Variants in THSD7A observed in about 807,000 individuals in gnomAD.
THSD7A encodes thrombospondin type 1 domain containing 7A.
A neutral mutation model predicts 231.3 loss-of-function variants in THSD7A; 96 were observed. That is an observed-to-expected ratio of 0.41 (90% CI 0.35 to 0.49). The LOEUF (loss-of-function observed/expected upper bound fraction) is 0.49, where lower values mean the gene tolerates loss of function less well. Among genes scored for constraint, THSD7A ranks in the 20% least tolerant of loss-of-function variants. The pLI is 0.05. For missense variants in THSD7A, 2,290 were observed against 2,070.2 expected, an observed-to-expected ratio of 1.11 and a Z score of -2.06; for synonymous variants, 940 against 743.3, an observed-to-expected ratio of 1.26 and a Z score of -4.30.
At chr7:11,535,315 A>G (rs529566587) in intron 6 of THSD7A, among the ~76,000 whole-genome samples, 1 of 152,264 alleles carries the variant, frequency 6.6e-6, no homozygotes, top group East Asian at 1.9e-4. Context: ...GTGTATTGTA[A>G]TACATACACA....
intron 1 of THSD7A, among the ~76,000 whole-genome samples, chr7:11,640,977 T>G (rs146934826): frequency 6.6e-6 from 1 of 152,274 alleles, no homozygotes; most frequent in South Asian, 2.1e-4. Context: ...TAGTTCTTTA[T>G]TGATTTTTCA....
At chr7:11,441,086 C>A (rs184962393) in intron 13 of THSD7A, among the ~76,000 whole-genome samples, 50 of 152,194 alleles carry the variant, frequency 3.3e-4, no homozygotes, top group Non-Finnish European at 5.7e-4. Context: ...AAAAATCATT[C>A]TCTCCAGCTT....
chr7:11,585,360 A>G lies in THSD7A; in HGVS notation c.1453+5100T>C, dbSNP rs1486922782. 2.0e-5 allele frequency among the ~76,000 whole-genome samples: 3 copies of G among 152,170 alleles called. No homozygotes were observed. In the East Asian group the frequency reaches 5.8e-4, roughly 29 times the overall value. On this transcript the variant is annotated intron_variant, in intron 4 of 27. Coordinates refer to ENST00000423059, the MANE Select transcript of THSD7A (RefSeq NM_015204.3). The stretch of plus-strand genomic sequence containing the variant: ...ATATACAGAGGACTGGCTAACAAGG[A>G]GGCTCTGATTCCTTTGGGGATTCCT...
chr7:11,681,337 G>A (rs563905414), intron 1 of THSD7A, among the ~76,000 whole-genome samples: 10 of 152,036 alleles, frequency 6.6e-5, no homozygotes, highest in East Asian at 1.9e-4. Flanking sequence ...GTATACCTAC[G>A]TAACAAACCT....
Position 11,814,699 on chromosome 7 carries a change from G to A in THSD7A, c.190+17058C>T, listed in dbSNP as rs992820040. On this transcript the variant is annotated intron_variant, in intron 1 of 27. Transcript: ENST00000423059. This position sits in a 1 kb window ranked among gnomAD's most constrained non-coding sequence, Gnocchi z 5.1. ...TAAAGAAATTACATTAAATATTGCA[G>A]TAAGAGACAGGGAGAGAAATGTATC... 2.0e-5 allele frequency among the ~76,000 whole-genome samples: 3 copies of A among 152,182 alleles called. No homozygotes were observed. Among genetic ancestry groups the A allele is most frequent in the African/African-American group, 7.2e-5 (3 of 41,448 alleles).
Position 11,661,295 on chromosome 7 carries a change from T to C in THSD7A, c.191-24334A>G, listed in dbSNP as rs559188780. 2.6e-5 allele frequency among the ~76,000 whole-genome samples: 4 copies of C among 151,510 alleles called. No individual in the cohort carries two copies. In the Admixed American group the frequency reaches 2.6e-4, roughly 10 times the overall value. On this transcript the variant is annotated intron_variant, in intron 1 of 27. Transcript: ENST00000423059. ...TATAAATTTTATCTGGAAGATTATA[T>C]AAATTATACACAACTCACTTTTATT... is the stretch of plus-strand genomic sequence containing the variant.
intron 4 of THSD7A, among the ~76,000 whole-genome samples, chr7:11,552,223 C>G (rs956018883): frequency 6.6e-6 from 1 of 151,884 alleles, no homozygotes; most frequent in African/African-American, 2.4e-5. Context: ...GTACTATGCT[C>G]ATTACCTGGG....
At chr7:11,551,560 A>C (rs748229565) in intron 4 of THSD7A, among the ~76,000 whole-genome samples, 1 of 152,176 alleles carries the variant, frequency 6.6e-6, no homozygotes, top group Non-Finnish European at 1.5e-5. Flanking sequence ...ATTTTTCAAA[A>C]GAAGACATAC....
intron 1 of THSD7A, among the ~76,000 whole-genome samples, chr7:11,728,422 A>T (rs1781617716): frequency 1.3e-5 from 2 of 151,954 alleles, no homozygotes; most frequent in African/African-American, 4.8e-5. Flanking sequence ...TTTTTCCCAA[A>T]CAAATATATG....
At chr7:11,765,112 A>G (rs1288855130) in intron 1 of THSD7A, among the ~76,000 whole-genome samples, 1 of 151,970 alleles carries the variant, frequency 6.6e-6, no homozygotes, top group Non-Finnish European at 1.5e-5. Context: ...TTCATTTTTG[A>G]GAGAAACTGA....
At position 11,446,096 on chromosome 7, in the gene THSD7A, C is replaced by T; in HGVS notation, c.3029G>A (p.Gly1010Asp). Residue 1010 changes from glycine (G) to aspartate (D), a missense_variant, in exon 13 of 28, where the codon GGC (glycine) becomes GAC (aspartate). By Grantham distance (94) the Gly-to-Asp change is moderately conservative (BLOSUM62 -1). Coordinates refer to ENST00000423059, the MANE Select transcript of THSD7A (RefSeq NM_015204.3). The surrounding 1 kb of genome is among the most constrained non-coding windows in gnomAD (Gnocchi z 4.0). ...YQAMACYDQNGRLVETSRCNS... is the reference protein window; with the variant it reads ...YQAMACYDQNDRLVETSRCNS... ...ACATCTAGATGTTTCCACAAGCCTG[C>T]CATTTTGATCGTAGCATGCCATTGC... 1 of 1,613,374 alleles carries T rather than the reference C, an allele frequency of 6.2e-7. No individual in the cohort carries two copies. The highest frequency in any genetic ancestry group is 8.5e-7 in the Non-Finnish European group (1 of 1,179,558).
In THSD7A at chr7:11,636,587, T is replaced by C. The variant is rs751412373; in HGVS notation, c.565A>G (p.Ile189Val). The change falls in exon 2 of 28, where the codon ATT becomes GTT. Residue 189 changes from isoleucine (I) to valine (V), a missense_variant. Ile to Val is a conservative substitution (Grantham distance 29). Transcript: ENST00000423059. The surrounding 1 kb of genome is among the most constrained non-coding windows in gnomAD (Gnocchi z 10.0). ...PKPLLEQACL[I>V]PCQQDCIVSE... The stretch of plus-strand genomic sequence containing the variant: ...ACGATGCAATCTTGCTGGCAAGGAA[T>C]GAGGCAAGCCTGCTCCAGGAGAGGC... The C allele has an allele frequency of 3.1e-6, 5 of 1,614,012 alleles. No individual in the cohort carries two copies. Among genetic ancestry groups the C allele is most frequent in the Non-Finnish European group, 3.4e-6 (4 of 1,179,890 alleles).
intron 1 of THSD7A, among the ~76,000 whole-genome samples, chr7:11,728,437 G>C (rs747650868): frequency 1.3e-5 from 2 of 151,836 alleles, no homozygotes; most frequent in Non-Finnish European, 1.5e-5. Context: ...TATATGACTT[G>C]AAAAGTATAT....
chr7:11,736,567 TA>T (rs1306538546), intron 1 of THSD7A, among the ~76,000 whole-genome samples: 1 of 152,048 alleles, frequency 6.6e-6, no homozygotes, highest in Admixed American at 6.6e-5. Flanking sequence ...TATTTAAAGC[TA>T]TTGTAAGGCT....
At chr7:11,540,729 G>T (rs12112567) in intron 6 of THSD7A, among the ~76,000 whole-genome samples, 24,435 of 152,114 alleles carry the variant, frequency 0.16, 2,000 homozygotes, top group Admixed American at 0.18. Context: ...TTGGAAGGAA[G>T]GTAAAAATCT....
At position 11,634,308 on chromosome 7, in the gene THSD7A, G is replaced by T. The variant is rs980371811; in HGVS notation, c.1022+1822C>A. Among the ~76,000 whole-genome samples the T allele has an allele frequency of 4.6e-5, 7 of 152,074 alleles. No homozygotes were observed. Among genetic ancestry groups the T allele is most frequent in the African/African-American group, 1.7e-4 (7 of 41,414 alleles). On this transcript the variant is annotated intron_variant, in intron 2 of 27. Coordinates refer to ENST00000423059, the MANE Select transcript of THSD7A (RefSeq NM_015204.3). The surrounding 1 kb of genome is among the most constrained non-coding windows in gnomAD (Gnocchi z 4.1). ...ATATGTTTGTTTAATTCAAACAACT[G>T]GATGAGAATATTAGGCTCTATGCAA...
At chr7:11,531,376 T>G (rs1424409048) in intron 6 of THSD7A, among the ~76,000 whole-genome samples, 1 of 152,140 alleles carries the variant, frequency 6.6e-6, no homozygotes, top group Non-Finnish European at 1.5e-5. Context: ...TTCAAACCCT[T>G]CAATAGATTC....
intron 9 of THSD7A, among the ~76,000 whole-genome samples, chr7:11,467,755 A>G (rs10243725): frequency 0.28 from 42,581 of 151,742 alleles, 6,508 homozygotes; most frequent in African/African-American, 0.4. Context: ...AAAAACCTCT[A>G]TTTTTTCTTT....
At chr7:11,427,012 A>C (rs1267409026) in intron 14 of THSD7A, among the ~76,000 whole-genome samples, 2 of 152,166 alleles carry the variant, frequency 1.3e-5, no homozygotes, top group African/African-American at 4.8e-5. Context: ...TTGTGATCCA[A>C]CTTGTCAATG....
Sources: allele counts gnomAD v4.1 joint callset (sites outside exome capture counted in the v4.1 genomes callset), GRCh38; gene constraint gnomAD v4.1.1; non-coding constraint Gnocchi (gnomAD v3.1); transcripts MANE v1.5; gene names NCBI Gene and HGNC (gene_info 2026-07-23, HGNC 2026-07-21).